The following CSNK1G3 variants were observed in gnomAD, a reference collection of about 807,000 sequenced individuals.
CSNK1G3 encodes the protein casein kinase I isoform gamma-3.
CSNK1G3 carries 23 observed loss-of-function variants against 64.3 expected under a neutral mutation model. The observed-to-expected ratio is 0.36, with a 90% confidence interval of 0.26 to 0.51. The LOEUF (loss-of-function observed/expected upper bound fraction) is 0.51, where lower values mean the gene tolerates loss of function less well. Ranked by LOEUF, CSNK1G3 falls within the 20% of genes least tolerant of loss-of-function variation. The pLI, the probability that CSNK1G3 is intolerant of heterozygous loss-of-function variation, is 0.96. For synonymous variants in CSNK1G3, 158 were observed against 162.2 expected (o/e 0.97, Z 0.20); for missense variants, 357 against 510.5 (o/e 0.70, Z 2.90).
At chr5:123,604,649 C>A in intron 10 of CSNK1G3, 75 bp from the exon 12 acceptor site, 1 of 690,390 alleles carries the variant, frequency 1.4e-6, no homozygotes, top group Non-Finnish European at 2.4e-6. Context: ...CTTGTATAAC[C>A]TATTTAATAT....
intron 12 of CSNK1G3, among the ~76,000 whole-genome samples, chr5:123,613,312 C>T (rs1037027649): frequency 6.6e-6 from 1 of 151,812 alleles, no homozygotes; most frequent in Non-Finnish European, 1.5e-5. Flanking sequence ...CCCTGTCACA[C>T]AGACTGGGGT....
intron 1 of CSNK1G3, among the ~76,000 whole-genome samples, chr5:123,533,813 C>A (rs192352394): frequency 3.1e-4 from 47 of 149,680 alleles, no homozygotes; most frequent in African/African-American, 9.3e-4. Context: ...GAGGTTTTTT[C>A]TTTTTTTTAT....
intron 4 of CSNK1G3, among the ~76,000 whole-genome samples, chr5:123,568,189 G>C (rs563394909): frequency 6.6e-6 from 1 of 152,074 alleles, no homozygotes; most frequent in African/African-American, 2.4e-5. Context: ...TGCAGTTTTC[G>C]GTGCATCTCA....
chr5:123,521,386 A>G (rs1778069498), intron 1 of CSNK1G3, among the ~76,000 whole-genome samples: 1 of 152,110 alleles, frequency 6.6e-6, no homozygotes. Context: ...TATAATTGAG[A>G]TTCTGCAAAT....
chr5:123,576,659 A>G (rs902190938), intron 6 of CSNK1G3, among the ~76,000 whole-genome samples: 6 of 152,088 alleles, frequency 3.9e-5, no homozygotes, highest in Admixed American at 2.0e-4. Context: ...GATATCTCCA[A>G]TTTGGGTCTG....
intron 9 of CSNK1G3, 31 bp from the exon 10 acceptor site, chr5:123,591,288 T>A (rs1792305660): frequency 7.6e-7 from 1 of 1,319,242 alleles, no homozygotes; most frequent in Non-Finnish European, 1.0e-6. Context: ...TAAAATGGAA[T>A]GTATTGATAC....
chr5:123,522,243 T>G (rs1481163838), intron 1 of CSNK1G3, among the ~76,000 whole-genome samples: 1 of 152,068 alleles, frequency 6.6e-6, no homozygotes, highest in Non-Finnish European at 1.5e-5. Flanking sequence ...CTGGGTGCTG[T>G]GGCTCACCCC....
intron 6 of CSNK1G3, among the ~76,000 whole-genome samples, chr5:123,579,610 A>G (rs1016429299): frequency 1.3e-5 from 2 of 151,908 alleles, no homozygotes; most frequent in Admixed American, 6.6e-5. Flanking sequence ...CTTAGGGCCT[A>G]ATGTTCCTTA....
chr5:123,569,223 A>G (rs572869768), intron 4 of CSNK1G3, among the ~76,000 whole-genome samples: 38 of 152,320 alleles, frequency 2.5e-4, no homozygotes, highest in African/African-American at 9.1e-4. Flanking sequence ...CTTCAAAAAC[A>G]AAAGGATAGG....
chr5:123,576,092 C>T (rs1789102950), intron 6 of CSNK1G3, 129 bp downstream of exon 6: 3 of 583,132 alleles, frequency 5.1e-6, no homozygotes, highest in Non-Finnish European at 9.1e-6. Context: ...TTTATCACAT[C>T]TACCTAGAGT....
chr5:123,609,303 T>A (rs1471455295), intron 12 of CSNK1G3, among the ~76,000 whole-genome samples: 1 of 152,206 alleles, frequency 6.6e-6, no homozygotes, highest in Non-Finnish European at 1.5e-5. Context: ...GTTATGAGGC[T>A]TATGTCACTT....
In CSNK1G3 at chr5:123,546,731, A is replaced by C. The variant is rs556146306; in HGVS notation, c.178+890A>C. ...AGATTCAATCCTGCTGCTAGAAATA[A>C]ATCCAATTTTATGTTTATGTATTCA... On this transcript the variant is annotated intron_variant, in intron 2 of 12. Coordinates refer to ENST00000345990, the Ensembl canonical transcript of CSNK1G3. Among the ~76,000 whole-genome samples the C allele has an allele frequency of 1.7e-3, 254 of 152,230 alleles. 2 individuals carry two copies. Among genetic ancestry groups the C allele is most frequent in the African/African-American group, 5.7e-3 (238 of 41,556 alleles).
chr5:123,605,450 A>G (rs1795199227), intron 12 of CSNK1G3, 88 bp downstream of exon 13: 1 of 1,326,516 alleles, frequency 7.5e-7, no homozygotes, highest in African/African-American at 1.5e-5. Flanking sequence ...TGAAAACAAA[A>G]CTCTCAACAC....
chr5:123,520,874 G>T lies in CSNK1G3; in HGVS notation c.-248+8304G>T, dbSNP rs1009800192. On this transcript the variant is annotated intron_variant, in intron 1 of 12. Coordinates refer to ENST00000345990, the Ensembl canonical transcript of CSNK1G3. Reference sequence around the variant, plus strand: ...CTTTAGTAAAAAGGGAAGTGAAAATGTTTTTTTTCTTTACACCCACTGTGT... The same window carrying T: ...CTTTAGTAAAAAGGGAAGTGAAAATTTTTTTTTTCTTTACACCCACTGTGT... Among the ~76,000 whole-genome samples the T allele has an allele frequency of 5.5e-5, 8 of 146,012 alleles. No homozygotes were observed. The South Asian group carries it at 8.3e-4, about 15-fold the overall frequency.
At chr5:123,532,657 A>G (rs1043518195) in intron 1 of CSNK1G3, among the ~76,000 whole-genome samples, 6 of 151,884 alleles carry the variant, frequency 4.0e-5, no homozygotes, top group African/African-American at 1.4e-4. Flanking sequence ...ATTAAAAGTA[A>G]GCAAACAAAA....
intron 6 of CSNK1G3, among the ~76,000 whole-genome samples, chr5:123,579,622 C>G (rs1215429742): frequency 6.6e-6 from 1 of 151,856 alleles, no homozygotes. Context: ...TGTTCCTTAT[C>G]TGAACAATGG....
chr5:123,545,867 A>G (rs1217662869), intron 2 of CSNK1G3, 26 bp downstream of exon 2: 2 of 1,559,572 alleles, frequency 1.3e-6, no homozygotes, highest in African/African-American at 2.7e-5. Flanking sequence ...TTATTCCATT[A>G]TGTTAGAAAC....
chr5:123,523,766 C>A (rs1258083835), intron 1 of CSNK1G3, among the ~76,000 whole-genome samples: 2 of 152,170 alleles, frequency 1.3e-5, no homozygotes, highest in Admixed American at 6.5e-5. Flanking sequence ...CACTCTGAAA[C>A]CCAAAACTTT....
exon 13 of CSNK1G3, chr5:123,614,605 T>C (rs1749139964): frequency 4.4e-6 from 2 of 451,496 alleles, no homozygotes; most frequent in Non-Finnish European, 7.8e-6. Flanking sequence ...AGCTTTAAAG[T>C]TTTGTCAAAA....
Sources: allele counts gnomAD v4.1 joint callset (sites outside exome capture counted in the v4.1 genomes callset), GRCh38; gene constraint gnomAD v4.1.1; transcripts MANE v1.5; gene names NCBI Gene and HGNC (gene_info 2026-07-23, HGNC 2026-07-21).